Variants in RIMBP2 observed in about 807,000 individuals in gnomAD.
RIMBP2 encodes RIMS-binding protein 2.
In RIMBP2, 48 loss-of-function variants were observed where a neutral mutation model predicts 118.6. The observed-to-expected ratio is 0.40, with a 90% CI of 0.32 to 0.51. The LOEUF (loss-of-function observed/expected upper bound fraction) is 0.51, where lower values mean the gene tolerates loss of function less well. Among genes scored for constraint, RIMBP2 ranks in the 20% least tolerant of loss-of-function variants. RIMBP2 has a pLI of 0.41. For synonymous variants in RIMBP2, 762 were observed against 742.9 expected (o/e 1.03, Z -0.42); for missense variants, 1,551 against 1,768.3 (o/e 0.88, Z 2.20).
chr12:130,638,764 T>TAA (rs565601408), intron 1 of RIMBP2, among the ~76,000 whole-genome samples: 1 of 145,144 alleles, frequency 6.9e-6, no homozygotes, highest in Non-Finnish European at 1.5e-5. Flanking sequence ...TGGAGATCGT[T>TAA]AAAAAAAAAA....
At chr12:130,575,987 G>A (rs189936061) in intron 2 of RIMBP2, among the ~76,000 whole-genome samples, 3 of 152,336 alleles carry the variant, frequency 2.0e-5, no homozygotes, top group African/African-American at 7.2e-5. Flanking sequence ...AGGAGAATGA[G>A]GGAGTGAGCT....
intron 1 of RIMBP2, among the ~76,000 whole-genome samples, chr12:130,663,717 C>T (rs145116265): frequency 6.6e-6 from 1 of 151,882 alleles, no homozygotes; most frequent in East Asian, 1.9e-4. Flanking sequence ...GGAGTCAGAA[C>T]GGAACTTCCC....
intron 1 of RIMBP2, among the ~76,000 whole-genome samples, chr12:130,663,584 T>C (rs1359323391): frequency 1.3e-5 from 2 of 151,714 alleles, no homozygotes; most frequent in African/African-American, 2.4e-5. Flanking sequence ...GAAAAGATGT[T>C]CAACTTCACC....
intron 2 of RIMBP2, among the ~76,000 whole-genome samples, chr12:130,551,552 C>CTT (rs11380320): frequency 1.3e-4 from 20 of 151,970 alleles, no homozygotes; most frequent in East Asian, 3.9e-4. Flanking sequence ...TCTTAGATTT[C>CTT]TTTTTTTTCT....
At chr12:130,582,245 T>A (rs886112893) in intron 2 of RIMBP2, among the ~76,000 whole-genome samples, 6 of 152,228 alleles carry the variant, frequency 3.9e-5, no homozygotes, top group African/African-American at 9.6e-5. Flanking sequence ...GGATTTTTTT[T>A]AATCTGTTTT....
intron 1 of RIMBP2, among the ~76,000 whole-genome samples, chr12:130,635,836 C>T (rs1452660534): frequency 6.6e-6 from 1 of 152,088 alleles, no homozygotes; most frequent in East Asian, 1.9e-4. Context: ...AACCCTTCCC[C>T]ACTCTACATT....
intron 11 of RIMBP2, 32 bp downstream of exon 11, chr12:130,441,816 C>A: frequency 6.3e-7 from 1 of 1,589,416 alleles, no homozygotes; most frequent in Non-Finnish European, 8.6e-7. Flanking sequence ...CGTTCTCTCC[C>A]TGGGGGACCC....
Position 130,506,743 on chromosome 12 carries a change from G to T in RIMBP2, c.-99C>A, listed in dbSNP as rs2050395705. 2 of 985,708 alleles carry T rather than the reference G, an allele frequency of 2.0e-6. No homozygotes were observed. Among genetic ancestry groups the T allele is most frequent in the South Asian group, 9.4e-5 (2 of 21,278 alleles). 61.1% of individuals were successfully genotyped at this position (985,708 alleles called of 1,614,324 possible). ...TCTCTGGTCACGAGGGTGAGCGGAT[G>T]GTTGAGATGCACATACTCTGCCTTC... On this transcript the variant is annotated 5_prime_UTR_variant, in exon 4 of 23. Transcript: ENST00000690449.
At chr12:130,641,239 C>G (rs1484003413) in intron 1 of RIMBP2, among the ~76,000 whole-genome samples, 2 of 152,288 alleles carry the variant, frequency 1.3e-5, no homozygotes, top group South Asian at 2.1e-4. Flanking sequence ...AATCGTGAGC[C>G]CTGACCGCAC....
intron 17 of RIMBP2, among the ~76,000 whole-genome samples, chr12:130,421,323 G>A (rs1246676777): frequency 6.6e-6 from 1 of 152,188 alleles, no homozygotes; most frequent in Non-Finnish European, 1.5e-5. Flanking sequence ...TTATTACTCA[G>A]TTAACTGAAA....
At chr12:130,435,887 G>C (rs911855206) in intron 13 of RIMBP2, among the ~76,000 whole-genome samples, 1 of 152,176 alleles carries the variant, frequency 6.6e-6, no homozygotes, top group Non-Finnish European at 1.5e-5. Flanking sequence ...AGACACACCT[G>C]AGCTGCTCAG....
chr12:130,526,353 A>G (rs1306276720), intron 2 of RIMBP2, among the ~76,000 whole-genome samples: 1 of 152,190 alleles, frequency 6.6e-6, no homozygotes, highest in African/African-American at 2.4e-5. Flanking sequence ...AGGTAACTCC[A>G]ATGGTGCTTT....
Position 130,396,321 on chromosome 12 carries a change from C to A in RIMBP2, c.*1040G>T, listed in dbSNP as rs1478285600. 6.6e-6 allele frequency: 1 copy of A among 152,576 alleles called. No individual in the cohort carries two copies. Among genetic ancestry groups the A allele is most frequent in the Non-Finnish European group, 1.5e-5 (1 of 68,042 alleles). The allele number at this position is 152,576 out of a possible 1,614,324, so 9.5% of individuals were successfully genotyped here. On this transcript the variant is annotated 3_prime_UTR_variant, in exon 23 of 23. Transcript: ENST00000690449. The stretch of plus-strand genomic sequence containing the variant: ...GAAAGCTTTGTCATTCATTTATAAA[C>A]CGTCCATAAATTACAAAAGAAAGGC...
Position 130,525,761 on chromosome 12 carries a change from C to A in RIMBP2, c.-216-7844G>T, listed in dbSNP as rs73452768. ...GCAGCTTTGATCCCCTGGGCTTCTA[C>A]GCTGGGCCAAGAACCAACATAAGCT... On this transcript the variant is annotated intron_variant, in intron 2 of 22. Coordinates refer to ENST00000690449, the MANE Select transcript of RIMBP2 (RefSeq NM_001393629.1). This position sits in a 1 kb window ranked among gnomAD's most constrained non-coding sequence, Gnocchi z 4.4. Among the ~76,000 whole-genome samples the A allele has an allele frequency of 6.6e-6, 1 of 152,144 alleles. No individual in the cohort carries two copies. The highest frequency in any genetic ancestry group is 1.5e-5 in the Non-Finnish European group (1 of 68,032).
chr12:130,646,078 C>A (rs2062879419), intron 1 of RIMBP2, among the ~76,000 whole-genome samples: 1 of 136,264 alleles, frequency 7.3e-6, no homozygotes, highest in African/African-American at 2.6e-5. Flanking sequence ...TCTCCACCTC[C>A]CTCACCACTT....
chr12:130,637,139 A>G (rs930168699), intron 1 of RIMBP2, among the ~76,000 whole-genome samples: 1 of 152,218 alleles, frequency 6.6e-6, no homozygotes, highest in African/African-American at 2.4e-5. Context: ...TTGCACTGAG[A>G]TGTTCTGCGG....
intron 12 of RIMBP2, among the ~76,000 whole-genome samples, chr12:130,438,011 C>T (rs1181729820): frequency 2.0e-5 from 3 of 152,210 alleles, no homozygotes; most frequent in South Asian, 2.1e-4. Context: ...TATCTTAAGG[C>T]GGGACGCGCC....
intron 9 of RIMBP2, among the ~76,000 whole-genome samples, chr12:130,448,585 A>G (rs2078736258): frequency 6.6e-6 from 1 of 152,226 alleles, no homozygotes; most frequent in South Asian, 2.1e-4. Context: ...CTCCACACAC[A>G]GCAAGAACCG....
At chr12:130,503,266 T>G (rs1312774723) in intron 4 of RIMBP2, among the ~76,000 whole-genome samples, 1 of 151,464 alleles carries the variant, frequency 6.6e-6, no homozygotes. Context: ...TGTGGTGGTG[T>G]GTGTCTGTAA....
Sources: gnomAD v4.1 joint callset for allele counts (sites outside exome capture counted in the v4.1 genomes callset) on GRCh38, gnomAD v4.1.1 for gene constraint, Gnocchi (gnomAD v3.1) non-coding constraint, MANE v1.5 for transcripts, NCBI Gene and HGNC (gene_info 2026-07-23, HGNC 2026-07-21) for gene names.